Variants in GRIN2A observed in about 807,000 individuals in gnomAD.
The protein encoded by GRIN2A is glutamate receptor ionotropic, NMDA 2A.
GRIN2A carries 22 observed loss-of-function variants against 113.4 expected under a neutral mutation model. The ratio of observed to expected loss-of-function variants is 0.19; its 90% CI spans 0.14 to 0.28. GRIN2A has a LOEUF of 0.28. GRIN2A is among the 10% of genes least tolerant of loss of function. GRIN2A has a pLI of 1.00. For missense variants in GRIN2A, 1,502 were observed against 1,887.0 expected (o/e 0.80, Z 3.78); for synonymous variants, 827 against 738.4 (o/e 1.12, Z -1.94).
Position 9,820,197 on chromosome 16 carries a change from C to A in GRIN2A, c.2168+2067G>T, listed in dbSNP as rs546123960. Among the ~76,000 whole-genome samples, 4 of 152,230 alleles carry A rather than the reference C, an allele frequency of 2.6e-5. No individual in the cohort carries two copies. In the East Asian group the frequency reaches 7.7e-4, roughly 29 times the overall value. ...AAGAAAGAAAACAACCCATTTTGTG[C>A]TCTGGTTAATAAATGGAGGGAGAGA... On this transcript the variant is annotated intron_variant, in intron 10 of 12. Coordinates refer to ENST00000330684, the MANE Select transcript of GRIN2A (RefSeq NM_001134407.3).
intron 2 of GRIN2A, among the ~76,000 whole-genome samples, chr16:10,064,828 C>T (rs932903773): frequency 6.6e-6 from 1 of 152,190 alleles, no homozygotes; most frequent in Admixed American, 6.5e-5. Flanking sequence ...GGGAAATCTC[C>T]ATTGTTTCAG....
chr16:10,081,234 T>C (rs1216510036), intron 2 of GRIN2A, among the ~76,000 whole-genome samples: 2 of 152,176 alleles, frequency 1.3e-5, no homozygotes, highest in Non-Finnish European at 1.5e-5. Context: ...CCAGCTAGGA[T>C]GGAGTGGGAG....
chr16:9,795,424 A>G lies in GRIN2A; in HGVS notation c.2356+2853T>C, dbSNP rs555583122. On this transcript the variant is annotated intron_variant, in intron 11 of 12. Transcript: ENST00000330684. ...ATGAATAATCCACCCCGTGTTTAGC[A>G]TATCATCAAGAAATAACCCAGCCTT... 5.3e-5 allele frequency among the ~76,000 whole-genome samples: 8 copies of G among 152,322 alleles called. No individual in the cohort carries two copies. In the East Asian group the frequency reaches 5.8e-4, roughly 11 times the overall value.
intron 2 of GRIN2A, among the ~76,000 whole-genome samples, chr16:9,960,936 T>G (rs2045427522): frequency 6.6e-6 from 1 of 152,230 alleles, no homozygotes; most frequent in African/African-American, 2.4e-5. Context: ...GTAATTTTCT[T>G]AGTCTCAATT....
At chr16:9,802,338 C>T (rs1903413414) in intron 10 of GRIN2A, among the ~76,000 whole-genome samples, 1 of 152,068 alleles carries the variant, frequency 6.6e-6, no homozygotes, top group Non-Finnish European at 1.5e-5. Context: ...ACATATACAC[C>T]ATGGAATACT....
chr16:10,124,381 A>G (rs2048888486), intron 2 of GRIN2A, among the ~76,000 whole-genome samples: 1 of 152,230 alleles, frequency 6.6e-6, no homozygotes, highest in Non-Finnish European at 1.5e-5. Flanking sequence ...TAGATGCTCA[A>G]TAACTGGAGG....
intron 2 of GRIN2A, among the ~76,000 whole-genome samples, chr16:10,023,233 G>C (rs2046758005): frequency 6.6e-6 from 1 of 152,178 alleles, no homozygotes; most frequent in Non-Finnish European, 1.5e-5. Flanking sequence ...GCATTCCCAA[G>C]CTAGAGAACG....
At chr16:9,767,880 CA>C (rs1337809653) in intron 12 of GRIN2A, among the ~76,000 whole-genome samples, 8 of 152,188 alleles carry the variant, frequency 5.3e-5, no homozygotes, top group Middle Eastern at 3.4e-3. Flanking sequence ...ATACATATTC[CA>C]TAGCATTGCA....
At chr16:10,082,923 C>T (rs1028819833) in intron 2 of GRIN2A, among the ~76,000 whole-genome samples, 1 of 129,948 alleles carries the variant, frequency 7.7e-6, no homozygotes, top group Non-Finnish European at 1.6e-5. Context: ...ACCTAACTGG[C>T]CCATTTTCTT....
At chr16:9,867,293 A>G (rs1306123830) in intron 4 of GRIN2A, among the ~76,000 whole-genome samples, 1 of 151,996 alleles carries the variant, frequency 6.6e-6, no homozygotes, top group Non-Finnish European at 1.5e-5. Flanking sequence ...CTTTTTCCTA[A>G]TTGCATCTCT....
At chr16:9,868,342 C>T (rs1021453403) in intron 4 of GRIN2A, among the ~76,000 whole-genome samples, 1 of 152,322 alleles carries the variant, frequency 6.6e-6, no homozygotes, top group East Asian at 1.9e-4. Flanking sequence ...TCTCAGTTCA[C>T]TGCAACCTCC....
At chr16:9,894,956 T>C (rs1314612072) in intron 3 of GRIN2A, among the ~76,000 whole-genome samples, 1 of 152,180 alleles carries the variant, frequency 6.6e-6, no homozygotes, top group Non-Finnish European at 1.5e-5. Flanking sequence ...AATCCATCCA[T>C]CCATCCATCT....
chr16:10,092,943 A>T (rs2048209985), intron 2 of GRIN2A, among the ~76,000 whole-genome samples: 1 of 151,044 alleles, frequency 6.6e-6, no homozygotes, highest in Non-Finnish European at 1.5e-5. Context: ...GGTTCAAGCA[A>T]TTCTCCTGCC....
intron 3 of GRIN2A, among the ~76,000 whole-genome samples, chr16:9,895,231 C>A (rs1296002452): frequency 6.6e-6 from 1 of 152,052 alleles, no homozygotes; most frequent in Admixed American, 6.5e-5. Flanking sequence ...GATTCCATGA[C>A]TGGAAAAAGG....
chr16:9,864,702 G>C (rs961914504), intron 4 of GRIN2A, among the ~76,000 whole-genome samples: 1 of 152,126 alleles, frequency 6.6e-6, no homozygotes, highest in Non-Finnish European at 1.5e-5. Context: ...TTGCAATAAG[G>C]TTACAGAACC....
intron 9 of GRIN2A, among the ~76,000 whole-genome samples, chr16:9,822,883 A>T (rs780488771): frequency 3.3e-5 from 5 of 151,888 alleles, no homozygotes; most frequent in Admixed American, 6.6e-5. Flanking sequence ...CCTTCTCTAA[A>T]CTCCATTTAT....
chr16:9,808,324 C>G (rs1470499879), intron 10 of GRIN2A, among the ~76,000 whole-genome samples: 3 of 152,160 alleles, frequency 2.0e-5, no homozygotes, highest in African/African-American at 7.2e-5. Context: ...GGTCCCAACA[C>G]TGGATGTCAC....
chr16:9,819,576 G>C (rs1003916001), intron 10 of GRIN2A, among the ~76,000 whole-genome samples: 2 of 151,748 alleles, frequency 1.3e-5, no homozygotes, highest in Admixed American at 6.6e-5. Context: ...ACATGTATGT[G>C]GTTTCCCCAA....
At chr16:9,863,401 G>A (rs1003849384) in intron 4 of GRIN2A, among the ~76,000 whole-genome samples, 7 of 150,238 alleles carry the variant, frequency 4.7e-5, no homozygotes, top group African/African-American at 1.7e-4. Context: ...CTTACAGTGT[G>A]CTTTTACTCA....
Sources: allele counts gnomAD v4.1 joint callset (sites outside exome capture counted in the v4.1 genomes callset), GRCh38; gene constraint gnomAD v4.1.1; transcripts MANE v1.5; gene names NCBI Gene and HGNC (gene_info 2026-07-23, HGNC 2026-07-21).